Variants in GRXCR2 observed in about 807,000 individuals in gnomAD.
GRXCR2 encodes glutaredoxin domain-containing cysteine-rich protein 2.
GRXCR2 carries 23 observed loss-of-function variants against 24.8 expected under a neutral mutation model. That is an observed-to-expected ratio of 0.93 (90% CI 0.67 to 1.32). The LOEUF is 1.32. Among genes scored for constraint, GRXCR2 ranks in the 40% most tolerant of loss-of-function variants. The probability of loss-of-function intolerance (pLI) is 0.00; values close to 1 mark genes in which losing one functional copy is unlikely to be tolerated. For synonymous variants in GRXCR2, 130 were observed against 116.1 expected (o/e 1.12, Z -0.77); for missense variants, 315 against 303.4 (o/e 1.04, Z -0.28).
At chr5:145,906,278 G>C (rs567059558) in intron 2 of GRXCR2, among the ~76,000 whole-genome samples, 9 of 152,092 alleles carry the variant, frequency 5.9e-5, no homozygotes, top group Middle Eastern at 6.8e-3. Context: ...CACAGGGATT[G>C]GTCCAGGGAT....
upstream of GRXCR2, among the ~76,000 whole-genome samples, chr5:145,877,300 T>A (rs1362289735): frequency 6.6e-6 from 1 of 151,662 alleles, no homozygotes; most frequent in Non-Finnish European, 1.5e-5. Context: ...ACACTTGTCC[T>A]TAGTAGAAAG....
At chr5:145,918,937 T>C (rs1757280624) in intron 2 of GRXCR2, among the ~76,000 whole-genome samples, 1 of 152,200 alleles carries the variant, frequency 6.6e-6, no homozygotes, top group Admixed American at 6.5e-5. Flanking sequence ...TAGTGCTGTG[T>C]GTGAGCCCCT....
intron 2 of GRXCR2, among the ~76,000 whole-genome samples, chr5:145,906,080 T>A (rs562611709): frequency 2.0e-5 from 3 of 152,238 alleles, no homozygotes; most frequent in African/African-American, 7.2e-5. Flanking sequence ...TTTACAGAAA[T>A]CACTCTGTTG....
At chr5:145,859,967 T>G (rs1756306670) in intron 2 of GRXCR2, 52 bp from the exon 3 acceptor site, 1 of 1,452,982 alleles carries the variant, frequency 6.9e-7, no homozygotes, top group East Asian at 2.4e-5. Flanking sequence ...AGTCCGTTGT[T>G]CACATGCAGG....
chr5:145,876,193 ATATAT>A (rs1373947138), upstream of GRXCR2, among the ~76,000 whole-genome samples: 1 of 120,502 alleles, frequency 8.3e-6, no homozygotes, highest in African/African-American at 3.9e-5. Flanking sequence ...GTGTGTGTGT[ATATAT>A]ATATATATAT....
chr5:145,882,361 G>A (rs1410162616), intron 2 of GRXCR2, among the ~76,000 whole-genome samples: 1 of 152,108 alleles, frequency 6.6e-6, no homozygotes, highest in Non-Finnish European at 1.5e-5. Flanking sequence ...GTGGGCTAAG[G>A]ATATGAACAG....
chr5:145,914,536 C>T lies in GRXCR2; in HGVS notation c.-70+21165G>A, dbSNP rs183462435. Among the ~76,000 whole-genome samples the T allele has an allele frequency of 5.0e-3, 761 of 151,718 alleles. 4 individuals carry two copies. Among genetic ancestry groups the T allele is most frequent in the Non-Finnish European group, 8.2e-3 (555 of 67,898 alleles). ...ACTAAAAATACAAAAATTAACCAGG[C>T]GTGGTGGTGTGCGCTTATAATCTCA... is the stretch of plus-strand genomic sequence containing the variant. On this transcript the variant is annotated intron_variant, in intron 2 of 3. Transcript: ENST00000639411.
At chr5:145,924,034 G>GT (rs1387187390) in intron 2 of GRXCR2, among the ~76,000 whole-genome samples, 1 of 152,024 alleles carries the variant, frequency 6.6e-6, no homozygotes, top group East Asian at 1.9e-4. Context: ...GCTGAAGTTA[G>GT]TTAGGATACA....
Position 145,872,962 on chromosome 5 carries a change from C to G in GRXCR2, c.7G>C (p.Asp3His). Residue 3 changes from aspartate (D) to histidine (H), a missense_variant, in exon 1 of 3, where the codon GAC becomes CAC. By Grantham distance (81) the Asp-to-His change is moderately conservative. Coordinates refer to ENST00000377976, the MANE Select transcript of GRXCR2 (RefSeq NM_001080516.2). ME[D>H]PEKKLNQKSD... ...TTCTGATTCAGCTTTTTCTCAGGGTCCTCCATCAGCAGAAAGTTGACCCTG... is the reference window on the plus strand; with the variant it reads ...TTCTGATTCAGCTTTTTCTCAGGGTGCTCCATCAGCAGAAAGTTGACCCTG... 1 of 1,613,668 alleles carries G rather than the reference C, an allele frequency of 6.2e-7. No homozygotes were observed. The highest frequency in any genetic ancestry group is 8.5e-7 in the Non-Finnish European group (1 of 1,179,606).
At chr5:145,928,155 CTCA>C (rs1235951689) in intron 2 of GRXCR2, among the ~76,000 whole-genome samples, 6 of 151,838 alleles carry the variant, frequency 4.0e-5, no homozygotes, top group Admixed American at 1.3e-4. Flanking sequence ...TGAAAAAATG[CTCA>C]TCATCACTGG....
rs897900237 is a variant in GRXCR2, at chr5:145,913,869, T to C, written c.-70+21832A>G. 6.6e-5 allele frequency among the ~76,000 whole-genome samples: 10 copies of C among 152,156 alleles called. 1 individual carries two copies. The highest frequency in any genetic ancestry group is 2.4e-4 in the African/African-American group (10 of 41,442). On this transcript the variant is annotated intron_variant, in intron 2 of 3. Transcript: ENST00000639411. ...AAAATAAAATAAAATAAAAAGTGGA[T>C]TCGCAGAATTACAACTGCTTAATCA...
At chr5:145,866,134 CA>C (rs71581841) in intron 2 of GRXCR2, among the ~76,000 whole-genome samples, 3,397 of 85,832 alleles carry the variant, frequency 0.04, 105 homozygotes, top group African/African-American at 0.096. Context: ...AACTCCTTCT[CA>C]AAAAAAAAAA....
chr5:145,888,459 C>T (rs1241954071), intron 2 of GRXCR2, among the ~76,000 whole-genome samples: 1 of 152,108 alleles, frequency 6.6e-6, no homozygotes, highest in Non-Finnish European at 1.5e-5. Context: ...GACCCCCGAT[C>T]CATTTCAAAC....
rs769764331 is a variant in GRXCR2 at position 145,866,721 on chromosome 5, G to T, written c.344C>A (p.Pro115His). The part of the protein sequence containing the change: ...DYKANDHKPL[P>H]IIDFGKIIIY... The stretch of plus-strand genomic sequence containing the variant: ...GATTATCTTTCCAAAATCTATAATA[G>T]GTAGGGGCTAGAGAAATGGAGAATG... The change falls in exon 2 of 3, where the codon CCT becomes CAT. Residue 115 changes from proline (P) to histidine (H), a missense_variant. By Grantham distance (77) the Pro-to-His change is moderately conservative. Transcript: ENST00000377976. 8.8e-6 allele frequency: 14 copies of T among 1,598,132 alleles called. No individual in the cohort carries two copies. The highest frequency in any genetic ancestry group is 1.1e-5 in the Non-Finnish European group (13 of 1,165,882).
intron 2 of GRXCR2, among the ~76,000 whole-genome samples, chr5:145,905,827 T>C (rs948672288): frequency 6.6e-6 from 1 of 152,044 alleles, no homozygotes; most frequent in African/African-American, 2.4e-5. Flanking sequence ...GCTTAATAAG[T>C]GTTATAGATG....
rs1756664981 is a variant in GRXCR2, at chr5:145,879,261, G to A, written c.-69-12533C>T. On this transcript the variant is annotated intron_variant, in intron 2 of 3. Coordinates refer to the GRXCR2 transcript ENST00000639411. ...GACACAGACTGGCAAATTGGATAAA[G>A]AGTCAAGACCCATCAGTGTGCTGTA... Among the ~76,000 whole-genome samples the A allele has an allele frequency of 2.6e-5, 4 of 151,726 alleles. No individual in the cohort carries two copies. In the South Asian group the frequency reaches 6.2e-4, roughly 24 times the overall value.
rs1014346081 is a variant in GRXCR2, at chr5:145,859,541, C to A, written c.*192G>T. On this transcript the variant is annotated 3_prime_UTR_variant, in exon 3 of 3. Coordinates refer to ENST00000377976, the MANE Select transcript of GRXCR2 (RefSeq NM_001080516.2). Reference sequence around the variant, plus strand: ...AGACTATAATTCAGAAATGCCCCTGCCACTTAGACCCACAGAGAGATGTTA... The same window carrying A: ...AGACTATAATTCAGAAATGCCCCTGACACTTAGACCCACAGAGAGATGTTA... The A allele has an allele frequency of 1.8e-5, 11 of 604,528 alleles. No homozygotes were observed. The African/African-American group carries it at 2.1e-4, about 11-fold the overall frequency. The allele number at this position is 604,528 out of a possible 1,614,324, so 37.4% of individuals were successfully genotyped here.
At chr5:145,904,005 T>A (rs1230540651) in intron 2 of GRXCR2, among the ~76,000 whole-genome samples, 1 of 152,124 alleles carries the variant, frequency 6.6e-6, no homozygotes, top group African/African-American at 2.4e-5. Context: ...TTCACAACAC[T>A]TTAGAGACAT....
intron 2 of GRXCR2, among the ~76,000 whole-genome samples, chr5:145,930,745 G>C (rs997259339): frequency 6.6e-6 from 1 of 152,168 alleles, no homozygotes; most frequent in Admixed American, 6.5e-5. Flanking sequence ...GTTAGAATGA[G>C]AACCATCTGG....
Sources: gnomAD v4.1 joint callset for allele counts (sites outside exome capture counted in the v4.1 genomes callset) on GRCh38, gnomAD v4.1.1 for gene constraint, MANE v1.5 for transcripts, NCBI Gene and HGNC (gene_info 2026-07-23, HGNC 2026-07-21) for gene names.